Variants in DDX46 observed in about 807,000 individuals in gnomAD.
DDX46 encodes probable ATP-dependent RNA helicase DDX46.
A neutral mutation model predicts 134.9 loss-of-function variants in DDX46; 30 were observed. That is an observed-to-expected ratio of 0.22 (90% CI 0.17 to 0.30). The LOEUF (loss-of-function observed/expected upper bound fraction) is 0.30. Ranked by LOEUF, DDX46 falls within the 10% of genes least tolerant of loss-of-function variation. The pLI is 1.00. For synonymous variants in DDX46, 415 were observed against 404.1 expected, an observed-to-expected ratio of 1.03 and a Z score of -0.32; for missense variants, 622 against 1,248.7, an observed-to-expected ratio of 0.50 and a Z score of 7.56.
intron 6 of DDX46, chr5:134,777,980 G>C (rs1753999911): frequency 3.5e-6 from 1 of 286,108 alleles, no homozygotes; most frequent in African/African-American, 2.3e-5. Context: ...TTTTTAATAA[G>C]TTCTCTGGAG....
intron 6 of DDX46, among the ~76,000 whole-genome samples, chr5:134,779,369 T>C (rs538847520): frequency 2.0e-5 from 3 of 151,984 alleles, no homozygotes; most frequent in Non-Finnish European, 4.4e-5. Context: ...AATTTTTGTA[T>C]TTTTAGTAGA....
At chr5:134,791,104 C>T (rs1754489646) in intron 13 of DDX46, among the ~76,000 whole-genome samples, 2 of 152,254 alleles carry the variant, frequency 1.3e-5, no homozygotes, top group Admixed American at 6.5e-5. Flanking sequence ...AGGCGTGAGC[C>T]ACTGTGCCCG....
At chr5:134,767,429 T>G (rs1256716444) in intron 3 of DDX46, among the ~76,000 whole-genome samples, 1 of 151,988 alleles carries the variant, frequency 6.6e-6, no homozygotes, top group Non-Finnish European at 1.5e-5. Flanking sequence ...CTTAAACTTG[T>G]AGACTCAAGC....
chr5:134,778,621 G>A (rs1417560334), intron 6 of DDX46, among the ~76,000 whole-genome samples: 3 of 151,580 alleles, frequency 2.0e-5, no homozygotes, highest in Non-Finnish European at 4.4e-5. Context: ...TTGCCCAAGC[G>A]GGAGTGCAGT....
Position 134,777,683 on chromosome 5 carries a change from A to G in DDX46, c.723A>G (p.Lys241=), listed in dbSNP as rs1753988222. Residue 241 remains lysine, a synonymous_variant, in exon 6 of 23, where the codon AAA becomes AAG. Coordinates refer to ENST00000452510, the MANE Select transcript of DDX46 (RefSeq NM_001300860.2). ...YMEEVKEEVK[K]FNMRSVKGGG... is the part of the protein sequence containing the mutation. The stretch of plus-strand genomic sequence containing the variant: ...AAGAAGTGAAAGAGGAAGTAAAAAA[A>G]TTTAACATGAGAAGTGTAAAAGGTG... 1.2e-6 allele frequency: 2 copies of G among 1,613,116 alleles called. No homozygotes were observed. Among genetic ancestry groups the G allele is most frequent in the Admixed American group, 3.4e-5 (2 of 59,568 alleles).
intron 2 of DDX46, 101 bp downstream of exon 2, chr5:134,764,193 C>A: frequency 8.6e-7 from 1 of 1,161,520 alleles, no homozygotes; most frequent in Non-Finnish European, 1.2e-6. Flanking sequence ...GTTTGGTGGC[C>A]CAATTGCAGG....
intron 1 of DDX46, among the ~76,000 whole-genome samples, chr5:134,763,194 C>G (rs1753449713): frequency 6.6e-6 from 1 of 152,142 alleles, no homozygotes; most frequent in South Asian, 2.1e-4. Context: ...GAGCACATCA[C>G]TGCACTCTAT....
chr5:134,766,743 T>C (rs920239985), intron 2 of DDX46, among the ~76,000 whole-genome samples, 174 bp from the exon 3 acceptor site: 1 of 152,172 alleles, frequency 6.6e-6, no homozygotes, highest in African/African-American at 2.4e-5. Flanking sequence ...AAGAAATAAA[T>C]TAGTATTCTC....
intron 22 of DDX46, 59 bp downstream of exon 22, chr5:134,827,079 T>G (rs1263222634): frequency 2.0e-6 from 3 of 1,496,568 alleles, no homozygotes; most frequent in Non-Finnish European, 2.7e-6. Context: ...TATTGAAATA[T>G]AAATACAGAG....
intron 16 of DDX46, among the ~76,000 whole-genome samples, chr5:134,810,808 C>T (rs1025613324): frequency 4.6e-5 from 7 of 151,646 alleles, no homozygotes; most frequent in Non-Finnish European, 1.0e-4. Context: ...GAATTTGAGA[C>T]CAGCCTGGCC....
chr5:134,781,383 A>G, intron 7 of DDX46, 137 bp downstream of exon 7: 1 of 674,486 alleles, frequency 1.5e-6, no homozygotes, highest in South Asian at 1.8e-5. Flanking sequence ...TGCTATTCTT[A>G]GTAGTATAAT....
chr5:134,826,847 T>C, intron 21 of DDX46, 100 bp from the exon 22 acceptor site: 1 of 1,195,492 alleles, frequency 8.4e-7, no homozygotes, highest in South Asian at 1.6e-5. Context: ...ACAGTGTTTC[T>C]GAAAGTCACC....
At chr5:134,807,589 A>G (rs1157458340) in intron 15 of DDX46, among the ~76,000 whole-genome samples, 159 bp from the exon 16 acceptor site, 1 of 152,234 alleles carries the variant, frequency 6.6e-6, no homozygotes, top group Non-Finnish European at 1.5e-5. Flanking sequence ...GTTAATAGCA[A>G]TAACCTTTAA....
At chr5:134,795,537 G>A (rs1345730945) in intron 14 of DDX46, among the ~76,000 whole-genome samples, 1 of 152,140 alleles carries the variant, frequency 6.6e-6, no homozygotes, top group Non-Finnish European at 1.5e-5. Context: ...GTCACCAAAA[G>A]TGGTGAGTGG....
intron 1 of DDX46, among the ~76,000 whole-genome samples, chr5:134,759,235 A>G (rs1185563424): frequency 6.6e-6 from 1 of 152,230 alleles, no homozygotes; most frequent in East Asian, 1.9e-4. Flanking sequence ...CGCCACTTCA[A>G]GGGAGCCTGC....
intron 15 of DDX46, among the ~76,000 whole-genome samples, chr5:134,800,667 T>TTTTGTTTG (rs559974001): frequency 6.6e-6 from 1 of 151,938 alleles, no homozygotes; most frequent in African/African-American, 2.4e-5. Flanking sequence ...TCGTGTGTGT[T>TTTTGTTTG]TTTGTTTGTT....
intron 11 of DDX46, 148 bp downstream of exon 11, chr5:134,785,734 ATTAG>A (rs896978114): frequency 2.1e-6 from 2 of 960,212 alleles, no homozygotes; most frequent in African/African-American, 1.7e-5. Flanking sequence ...AATAGTAAGA[ATTAG>A]TTATTTTATG....
chr5:134,817,338 T>G, intron 19 of DDX46, 158 bp from the exon 20 acceptor site: 1 of 661,768 alleles, frequency 1.5e-6, no homozygotes, highest in East Asian at 2.8e-5. Context: ...AAATATATAT[T>G]GCTAAATCAC....
intron 1 of DDX46, among the ~76,000 whole-genome samples, chr5:134,761,594 T>C (rs141645120): frequency 3.7e-4 from 56 of 152,302 alleles, no homozygotes; most frequent in Admixed American, 2.1e-3. Flanking sequence ...ACCTCTTCCT[T>C]GAACTACAGG....
Sources: allele counts gnomAD v4.1 joint callset (sites outside exome capture counted in the v4.1 genomes callset), GRCh38; gene constraint gnomAD v4.1.1; transcripts MANE v1.5; gene names NCBI Gene and HGNC (gene_info 2026-07-23, HGNC 2026-07-21).